AGBL1: variants seen among roughly 807,000 people sequenced by gnomAD.
AGBL1 encodes the protein AGBL carboxypeptidase 1, also known as cytosolic carboxypeptidase 4.
A neutral mutation model predicts 118.9 loss-of-function variants in AGBL1; 130 were observed. The observed-to-expected ratio is 1.09, with a 90% CI of 0.95 to 1.26. The LOEUF is 1.26. AGBL1 is among the 50% of genes most tolerant of loss of function. The pLI, the probability that AGBL1 is intolerant of heterozygous loss-of-function variation, is 0.00. For missense variants in AGBL1, 1,584 were observed against 1,298.1 expected (o/e 1.22, Z -3.38); for synonymous variants, 555 against 478.9 (o/e 1.16, Z -2.08).
chr15:86,645,665 G>A (rs2085265535), intron 21 of AGBL1, among the ~76,000 whole-genome samples: 1 of 152,156 alleles, frequency 6.6e-6, no homozygotes, highest in African/African-American at 2.4e-5. Context: ...GAATTTTAGA[G>A]TAGATAGAAA....
At chr15:86,824,301 T>C (rs2078979076) in intron 22 of AGBL1, among the ~76,000 whole-genome samples, 1 of 152,070 alleles carries the variant, frequency 6.6e-6, no homozygotes, top group Non-Finnish European at 1.5e-5. Context: ...AAAATGAACA[T>C]ACTGAAACTA....
At chr15:86,566,017 G>A (rs960733788) in intron 21 of AGBL1, among the ~76,000 whole-genome samples, 1 of 152,202 alleles carries the variant, frequency 6.6e-6, no homozygotes, top group African/African-American at 2.4e-5. Flanking sequence ...AATTTTCCAG[G>A]TGCCATCTGT....
At chr15:86,457,751 T>G (rs865774987) in intron 18 of AGBL1, among the ~76,000 whole-genome samples, 1 of 152,210 alleles carries the variant, frequency 6.6e-6, no homozygotes, top group African/African-American at 2.4e-5. Context: ...CAAGGGATTA[T>G]ATGAATTATC....
chr15:86,747,527 G>A (rs1024696897), intron 22 of AGBL1, among the ~76,000 whole-genome samples: 1 of 152,106 alleles, frequency 6.6e-6, no homozygotes, highest in Non-Finnish European at 1.5e-5. Flanking sequence ...TGTGCACAAC[G>A]TGCAGGTTTG....
At chr15:86,158,862 T>C in intron 4 of AGBL1, 71 bp from the exon 5 acceptor site, 1 of 1,362,270 alleles carries the variant, frequency 7.3e-7, no homozygotes, top group Non-Finnish European at 1.0e-6. Context: ...TTTAAAGGAG[T>C]CAATCCAAGT....
At chr15:86,250,149 A>AGTGTATAGAAT (rs371122978) in intron 7 of AGBL1, among the ~76,000 whole-genome samples, 163 of 152,272 alleles carry the variant, frequency 1.1e-3, no homozygotes, top group African/African-American at 3.9e-3. Flanking sequence ...CACCTGGAAG[A>AGTGTATAGAAT]GTGTATAGAA....
chr15:86,676,332 C>T (rs1307623758), intron 22 of AGBL1, among the ~76,000 whole-genome samples: 3 of 152,028 alleles, frequency 2.0e-5, no homozygotes, highest in South Asian at 2.1e-4. Context: ...ACACGGATTG[C>T]GATTCTTGCC....
intron 5 of AGBL1, among the ~76,000 whole-genome samples, chr15:86,206,032 T>C (rs2077986712): frequency 2.6e-5 from 4 of 152,158 alleles, no homozygotes; most frequent in Admixed American, 2.6e-4. Context: ...TGTGTCCAAG[T>C]GTTCTCATTG....
Position 86,924,691 on chromosome 15 carries a change from C to A in AGBL1, c.3222-63296C>A, listed in dbSNP as rs2080513034. On this transcript the variant is annotated intron_variant, in intron 23 of 24. Transcript: ENST00000441037. The stretch of plus-strand genomic sequence containing the variant: ...TCGTAGGTTCCCTTCATAACTTGGA[C>A]ATCACTTTTTGGCAGCGGATAGTTT... 2.0e-5 allele frequency among the ~76,000 whole-genome samples: 3 copies of A among 152,102 alleles called. No homozygotes were observed. The South Asian group carries it at 6.2e-4, about 32-fold the overall frequency.
At chr15:86,625,430 C>T (rs1334967068) in intron 21 of AGBL1, among the ~76,000 whole-genome samples, 1 of 120,142 alleles carries the variant, frequency 8.3e-6, no homozygotes, top group Non-Finnish European at 1.6e-5. Flanking sequence ...GCCTGTGAGA[C>T]TAAAAGAAGG....
At chr15:86,790,515 C>T (rs1035282522) in intron 22 of AGBL1, among the ~76,000 whole-genome samples, 1 of 152,162 alleles carries the variant, frequency 6.6e-6, no homozygotes, top group Non-Finnish European at 1.5e-5. Context: ...CAAGCTAGTG[C>T]CCTGTGGCAA....
chr15:86,203,238 T>A (rs2077936209), intron 5 of AGBL1, among the ~76,000 whole-genome samples: 1 of 152,152 alleles, frequency 6.6e-6, no homozygotes, highest in Non-Finnish European at 1.5e-5. Context: ...AGATTCGTTT[T>A]TGAAAATCTA....
chr15:86,893,191 G>A (rs116254234), intron 22 of AGBL1, among the ~76,000 whole-genome samples: 382 of 152,254 alleles, frequency 2.5e-3, no homozygotes, highest in African/African-American at 8.8e-3. Context: ...GGAGGGAGAT[G>A]GGTGACAGGT....
intron 17 of AGBL1, among the ~76,000 whole-genome samples, chr15:86,298,747 G>C (rs147997634): frequency 1.9e-3 from 282 of 152,222 alleles, no homozygotes; most frequent in Middle Eastern, 0.01. Context: ...GGAGGCATGA[G>C]TGGAAATAAA....
At chr15:86,660,966 A>G (rs1308196200) in intron 21 of AGBL1, among the ~76,000 whole-genome samples, 1 of 152,190 alleles carries the variant, frequency 6.6e-6, no homozygotes, top group Admixed American at 6.6e-5. Flanking sequence ...TGCCTACAGG[A>G]GCCAAGCAGG....
intron 22 of AGBL1, among the ~76,000 whole-genome samples, chr15:86,800,477 T>C (rs867629207): frequency 1.3e-5 from 2 of 152,130 alleles, no homozygotes; most frequent in South Asian, 2.1e-4. Context: ...TCCAGAAATA[T>C]GGAACCTAGG....
intron 16 of AGBL1, among the ~76,000 whole-genome samples, chr15:86,286,039 A>G (rs1409861478): frequency 1.3e-5 from 2 of 151,990 alleles, no homozygotes; most frequent in Non-Finnish European, 2.9e-5. Flanking sequence ...CTATGGCTTA[A>G]TTGTAATATC....
At chr15:87,023,676 A>G (rs2081693146) in intron 24 of AGBL1, among the ~76,000 whole-genome samples, 2 of 152,228 alleles carry the variant, frequency 1.3e-5, no homozygotes, top group Non-Finnish European at 2.9e-5. Flanking sequence ...CAACTGCAGA[A>G]TATACATTGT....
At chr15:86,744,598 C>T (rs2077726528) in intron 22 of AGBL1, among the ~76,000 whole-genome samples, 1 of 152,064 alleles carries the variant, frequency 6.6e-6, no homozygotes. Flanking sequence ...TATAGATCAA[C>T]ATTAGACTAA....
Sources: gnomAD v4.1 joint callset for allele counts (sites outside exome capture counted in the v4.1 genomes callset) on GRCh38, gnomAD v4.1.1 for gene constraint, MANE v1.5 for transcripts, NCBI Gene and HGNC (gene_info 2026-07-23, HGNC 2026-07-21) for gene names.